Variants in COL23A1 observed in about 807,000 individuals in gnomAD.
COL23A1 encodes the protein collagen type XXIII alpha 1 chain.
COL23A1 carries 97 observed loss-of-function variants against 99.3 expected under a neutral mutation model. The observed-to-expected ratio is 0.98, with a 90% CI of 0.83 to 1.16. COL23A1 has a LOEUF of 1.16. Ranked by LOEUF, COL23A1 falls within the 50% of genes most tolerant of loss-of-function variation. COL23A1 has a pLI of 0.00. For missense variants in COL23A1, 762 were observed against 757.4 expected, an observed-to-expected ratio of 1.01 and a Z score of -0.07; for synonymous variants, 320 against 308.2, an observed-to-expected ratio of 1.04 and a Z score of -0.40.
chr5:178,360,951 A>C (rs895597269), intron 2 of COL23A1, among the ~76,000 whole-genome samples: 3 of 152,180 alleles, frequency 2.0e-5, no homozygotes, highest in African/African-American at 7.2e-5. Context: ...ACAACAGAAG[A>C]CGTTTTTGAC....
chr5:178,378,337 G>T (rs1458586082), intron 2 of COL23A1: 1 of 151,672 alleles, frequency 6.6e-6, no homozygotes, highest in Non-Finnish European at 1.5e-5. Flanking sequence ...GGGTTTTCCT[G>T]CACCCCCTGA....
chr5:178,565,345 C>T (rs1368573405), intron 1 of COL23A1, among the ~76,000 whole-genome samples: 1 of 152,208 alleles, frequency 6.6e-6, no homozygotes, highest in Non-Finnish European at 1.5e-5. Flanking sequence ...GGCCCAGCTC[C>T]AGGGTCCATC....
At chr5:178,518,864 C>T (rs1324746634) in intron 2 of COL23A1, among the ~76,000 whole-genome samples, 2 of 149,416 alleles carry the variant, frequency 1.3e-5, no homozygotes, top group Non-Finnish European at 3.0e-5. Flanking sequence ...CGGCGCTCGC[C>T]GGCGCGGCGG....
In COL23A1 at chr5:178,242,024, C is replaced by T; in HGVS notation, c.1581+18G>A. The T allele has an allele frequency of 6.5e-7, 1 of 1,545,854 alleles. No individual in the cohort carries two copies. The highest frequency in any genetic ancestry group is 8.8e-7 in the Non-Finnish European group (1 of 1,142,050). The stretch of plus-strand genomic sequence containing the variant: ...GAGGCCAAAAAGACCTGGGGCAGGG[C>T]CCTCCTCCGACACCTACCACGGGAC... On this transcript the variant is annotated intron_variant, in intron 27 of 28. Transcript: ENST00000390654.
At chr5:178,268,651 C>T (rs1320707044) in intron 7 of COL23A1, 79 bp downstream of exon 7, 1 of 1,503,908 alleles carries the variant, frequency 6.6e-7, no homozygotes, top group Non-Finnish European at 9.1e-7. Context: ...CAAGGGCACA[C>T]TGGAACTGGC....
rs566284743 is a variant in COL23A1 at position 178,307,085 on chromosome 5, C to T, written c.362-166G>A. Among the ~76,000 whole-genome samples the T allele has an allele frequency of 2.6e-5, 4 of 152,200 alleles. No individual in the cohort carries two copies. Among genetic ancestry groups the T allele is most frequent in the Middle Eastern group, 6.8e-3 (2 of 292 alleles). ...AGGGGGAGATGCGTGGGGAGAAACC[C>T]CTTCCTTCTGCCACTACCTCGCCTG... On this transcript the variant is annotated intron_variant, in intron 2 of 28. Coordinates refer to ENST00000390654, the MANE Select transcript of COL23A1 (RefSeq NM_173465.4). This position sits in a 1 kb window ranked among gnomAD's most constrained non-coding sequence, Gnocchi z 4.2.
At chr5:178,245,610 C>A (rs953440283) in intron 25 of COL23A1, among the ~76,000 whole-genome samples, 1 of 151,574 alleles carries the variant, frequency 6.6e-6, no homozygotes, top group Non-Finnish European at 1.5e-5. Flanking sequence ...ACCCATCCAT[C>A]CACCCATCCA....
chr5:178,337,264 G>C (rs971795372), intron 2 of COL23A1, among the ~76,000 whole-genome samples: 22 of 152,258 alleles, frequency 1.4e-4, no homozygotes, highest in Non-Finnish European at 2.1e-4. Context: ...AGGGCGAGGA[G>C]AGCATGCGTG....
At chr5:178,417,572 T>C (rs553670683) in intron 2 of COL23A1, among the ~76,000 whole-genome samples, 1 of 152,264 alleles carries the variant, frequency 6.6e-6, no homozygotes, top group South Asian at 2.1e-4. Flanking sequence ...GATATCATTA[T>C]ACAGCAGAAA....
At position 178,287,130 on chromosome 5, in the gene COL23A1, G is replaced by A. The variant is rs1345119350; in HGVS notation, c.441+1194C>T. Among the ~76,000 whole-genome samples the A allele has an allele frequency of 3.3e-5, 5 of 152,368 alleles. No homozygotes were observed. The East Asian group carries it at 9.6e-4, about 29-fold the overall frequency. On this transcript the variant is annotated intron_variant, in intron 5 of 28. Coordinates refer to ENST00000390654, the MANE Select transcript of COL23A1 (RefSeq NM_173465.4). ...TGCCGTGTGCAGGAGACGGGAGCCT[G>A]ACCCTTGCCTAATCAGAAGAGCAGC...
chr5:178,296,470 G>A (rs1012365058), intron 3 of COL23A1, among the ~76,000 whole-genome samples: 2 of 152,156 alleles, frequency 1.3e-5, no homozygotes, highest in African/African-American at 2.4e-5. Flanking sequence ...GGTGAGATAC[G>A]CACTTCACGA....
chr5:178,524,493 C>T (rs1760198774), intron 2 of COL23A1, among the ~76,000 whole-genome samples: 2 of 152,210 alleles, frequency 1.3e-5, no homozygotes, highest in Non-Finnish European at 2.9e-5. Flanking sequence ...AATCAGGGAA[C>T]TGTCACAGAA....
chr5:178,582,477 T>TCAGCTTG (rs1763714728), intron 1 of COL23A1, among the ~76,000 whole-genome samples: 1 of 152,148 alleles, frequency 6.6e-6, no homozygotes, highest in Admixed American at 6.5e-5. Context: ...CGTAGAAATC[T>TCAGCTTG]GTGGGGCAGA....
chr5:178,256,954 A>G (rs1287347311), intron 13 of COL23A1, 26 bp from the exon 14 acceptor site: 1 of 1,610,692 alleles, frequency 6.2e-7, no homozygotes, highest in Non-Finnish European at 8.5e-7. Context: ...CTGCAGTGAG[A>G]GCAAGTGTGA....
chr5:178,466,282 A>C (rs1422384780), intron 2 of COL23A1, among the ~76,000 whole-genome samples: 1 of 152,232 alleles, frequency 6.6e-6, no homozygotes, highest in East Asian at 1.9e-4. Flanking sequence ...TCTGCAGAGC[A>C]CAGAGCAGCG....
intron 2 of COL23A1, among the ~76,000 whole-genome samples, chr5:178,319,948 C>T (rs1759200324): frequency 6.6e-6 from 1 of 152,202 alleles, no homozygotes. Flanking sequence ...ACTCCTCAGG[C>T]CTGCCAGGCT....
intron 5 of COL23A1, among the ~76,000 whole-genome samples, chr5:178,277,200 TAAA>T (rs61628732): frequency 0.016 from 2,142 of 137,560 alleles, 36 homozygotes; most frequent in African/African-American, 0.047. Context: ...ACCTCATCTC[TAAA>T]AAAAAAAAAA....
At chr5:178,359,082 C>T (rs1453928032) in intron 2 of COL23A1, among the ~76,000 whole-genome samples, 1 of 152,194 alleles carries the variant, frequency 6.6e-6, no homozygotes, top group East Asian at 1.9e-4. Flanking sequence ...TGGCAGCTCT[C>T]CAGGCTGAAA....
intron 2 of COL23A1, among the ~76,000 whole-genome samples, chr5:178,513,531 G>A (rs560813031): frequency 6.6e-6 from 1 of 152,296 alleles, no homozygotes; most frequent in African/African-American, 2.4e-5. Context: ...GGCAGGCTAT[G>A]TTTCTTCCTG....
Sources: allele counts gnomAD v4.1 joint callset (sites outside exome capture counted in the v4.1 genomes callset), GRCh38; gene constraint gnomAD v4.1.1; non-coding constraint Gnocchi (gnomAD v3.1); transcripts MANE v1.5; gene names NCBI Gene and HGNC (gene_info 2026-07-23, HGNC 2026-07-21).